Variants in HACD2 observed in about 807,000 individuals in gnomAD.
HACD2 encodes the protein 3-hydroxyacyl-CoA dehydratase 2, also known as very-long-chain (3R)-3-hydroxyacyl-CoA dehydratase 2.
Under a neutral mutation model 31.0 loss-of-function variants are expected in HACD2, and 15 were observed. That is an observed-to-expected ratio of 0.48 (90% confidence interval 0.32 to 0.75). HACD2 has a LOEUF of 0.75. HACD2 is among the 30% of genes least tolerant of loss of function. The pLI, the probability that HACD2 is intolerant of heterozygous loss-of-function variation, is 0.03. For missense variants in HACD2, 283 were observed against 313.0 expected (o/e 0.90, Z 0.72); for synonymous variants, 115 against 122.2 (o/e 0.94, Z 0.39).
At position 123,500,523 on chromosome 3, in the gene HACD2, T is replaced by C; in HGVS notation, c.674A>G (p.Tyr225Cys). ...CATAACTGTTTACTTACTTGGAATGTAGGAGATCATTATTAGAATCAGGAA... is the reference window on the plus strand; with the variant it reads ...CATAACTGTTTACTTACTTGGAATGCAGGAGATCATTATTAGAATCAGGAA... ...YAFLILIMIS[Y>C]IPIFPQLYFH... is the part of the protein sequence containing the mutation. Residue 225 changes from tyrosine to cysteine, a missense_variant, in exon 6 of 7, where the codon TAC becomes TGC. Around this residue, in one of 3 missense-constraint regions of HACD2, gnomAD observed 40 missense variants for 35.1 expected, o/e 1.14. Transcript: ENST00000383657. 6.3e-7 allele frequency: 1 copy of C among 1,599,830 alleles called. No individual in the cohort carries two copies.
intron 2 of HACD2, among the ~76,000 whole-genome samples, chr3:123,581,588 G>T (rs2056967062): frequency 6.6e-6 from 1 of 152,154 alleles, no homozygotes; most frequent in Non-Finnish European, 1.5e-5. Flanking sequence ...CAGCTCCTTG[G>T]TTCTCATTCC....
In HACD2 at chr3:123,585,053, T is replaced by C. The variant is rs2057016775; in HGVS notation, c.-26A>G. 7.2e-7 allele frequency: 1 copy of C among 1,386,074 alleles called. No individual in the cohort carries two copies. The highest frequency in any genetic ancestry group is 9.4e-7 in the Non-Finnish European group (1 of 1,061,656). 85.9% of individuals were successfully genotyped at this position (1,386,074 alleles called of 1,614,324 possible). ...GTCAAGTGCCCGAAGCCCGCTCTCC[T>C]AGCGCGAGCGGCTCGGGCCGGACTA... is the stretch of plus-strand genomic sequence containing the variant. On this transcript the variant is annotated 5_prime_UTR_variant, in exon 1 of 7. Transcript: ENST00000383657.
Position 123,494,834 on chromosome 3 carries a change from G to A in HACD2, c.*54C>T. 8.5e-7 allele frequency: 1 copy of A among 1,171,358 alleles called. No homozygotes were observed. The highest frequency in any genetic ancestry group is 1.2e-6 in the Non-Finnish European group (1 of 807,576). The allele number at this position is 1,171,358 out of a possible 1,614,324, so 72.6% of individuals were successfully genotyped here. A position where few individuals can be genotyped will look rare whatever the true frequency, so the allele number is the denominator to read the frequency against. ...GTATTGGGAACTCAAAAAATCTGCA[G>A]CATTTTTTGATCATTGAAAAGTTTG... On this transcript the variant is annotated 3_prime_UTR_variant, in exon 7 of 7. Coordinates refer to ENST00000383657, the MANE Select transcript of HACD2 (RefSeq NM_198402.5).
At chr3:123,498,658 G>A (rs1473294075) in intron 6 of HACD2, among the ~76,000 whole-genome samples, 1 of 152,152 alleles carries the variant, frequency 6.6e-6, no homozygotes, top group Non-Finnish European at 1.5e-5. Flanking sequence ...CCCCTCCACC[G>A]CCCAGGGAAA....
Position 123,494,884 on chromosome 3 carries a change from G to A in HACD2, c.*4C>T. 1 of 1,541,732 alleles carries A rather than the reference G, an allele frequency of 6.5e-7. No homozygotes were observed. ...GTTTTGGTGGGAGGTGCAGAAAGCA[G>A]GAACTATTCAAATTTCTTGTGTTCT... On this transcript the variant is annotated 3_prime_UTR_variant, in exon 7 of 7. Transcript: ENST00000383657.
chr3:123,493,019 A>C lies in HACD2; in HGVS notation c.*1869T>G, dbSNP rs2055782943. The C allele has an allele frequency of 6.6e-6, 1 of 152,260 alleles. No homozygotes were observed. Among genetic ancestry groups the C allele is most frequent in the Non-Finnish European group, 1.5e-5 (1 of 68,044 alleles). The allele number at this position is 152,260 out of a possible 1,614,324, so 9.4% of individuals were successfully genotyped here. ...AATAATTTATTACACACCTGCCTGC[A>C]TTAAATTTTCAAACTTCTATAAAAA... On this transcript the variant is annotated 3_prime_UTR_variant, in exon 7 of 7. Transcript: ENST00000383657.
At chr3:123,514,891 C>T (rs1042911065) in intron 4 of HACD2, among the ~76,000 whole-genome samples, 1 of 152,144 alleles carries the variant, frequency 6.6e-6, no homozygotes, top group Non-Finnish European at 1.5e-5. Flanking sequence ...AACTGTGAAA[C>T]TATTTTAGTA....
At chr3:123,526,627 GT>G (rs376227549) in intron 4 of HACD2, among the ~76,000 whole-genome samples, 42 of 151,522 alleles carry the variant, frequency 2.8e-4, no homozygotes, top group Non-Finnish European at 4.3e-4. Flanking sequence ...ATATGGAAAT[GT>G]AATGAGTATA....
chr3:123,572,638 T>G (rs1359917723), intron 2 of HACD2, among the ~76,000 whole-genome samples: 1 of 152,232 alleles, frequency 6.6e-6, no homozygotes, highest in Non-Finnish European at 1.5e-5. Context: ...GCACAATAAA[T>G]TACTTGGAAA....
intron 3 of HACD2, among the ~76,000 whole-genome samples, chr3:123,531,613 CA>C (rs1489920836): frequency 6.6e-6 from 1 of 152,172 alleles, no homozygotes; most frequent in Non-Finnish European, 1.5e-5. Flanking sequence ...ACCTGGTCAA[CA>C]GTGTTTTTCT....
At chr3:123,541,589 T>C (rs1204656618) in intron 3 of HACD2, among the ~76,000 whole-genome samples, 2 of 152,182 alleles carry the variant, frequency 1.3e-5, no homozygotes, top group Admixed American at 6.5e-5. Context: ...GGTGCTTTTT[T>C]ACTAAGAAAA....
rs187508321 is a variant in HACD2 at position 123,523,253 on chromosome 3, C to T, written c.381+5133G>A. 1.4e-4 allele frequency among the ~76,000 whole-genome samples: 21 copies of T among 152,204 alleles called. No homozygotes were observed. In the East Asian group the frequency reaches 2.7e-3, roughly 20 times the overall value. On this transcript the variant is annotated intron_variant, in intron 4 of 6. Transcript: ENST00000383657. ...TGTTTTGGCTTCTACAAGAGTTGAA[C>T]GGAAGAGGGAAAGAGGAAGAAAGGA...
chr3:123,495,274 T>A (rs1271460579), intron 6 of HACD2, among the ~76,000 whole-genome samples: 5 of 152,254 alleles, frequency 3.3e-5, no homozygotes, highest in African/African-American at 9.6e-5. Context: ...CATTCATGTA[T>A]TATCTCCACA....
chr3:123,553,763 G>A (rs890088614), intron 3 of HACD2, among the ~76,000 whole-genome samples: 1 of 152,138 alleles, frequency 6.6e-6, no homozygotes, highest in African/African-American at 2.4e-5. Flanking sequence ...CAAATGAAGA[G>A]GGTGTTCTGG....
At chr3:123,566,695 G>C (rs1020311767) in intron 3 of HACD2, among the ~76,000 whole-genome samples, 5 of 152,078 alleles carry the variant, frequency 3.3e-5, no homozygotes, top group African/African-American at 1.2e-4. Flanking sequence ...CCAGGAGTTT[G>C]AGACCAGGCT....
At chr3:123,545,508 A>AATAAATAC (rs2056548955) in intron 3 of HACD2, among the ~76,000 whole-genome samples, 1 of 145,264 alleles carries the variant, frequency 6.9e-6, no homozygotes, top group African/African-American at 2.5e-5. Flanking sequence ...TAAATAAATA[A>AATAAATAC]ATAAATAAAT....
rs1483475963 is a variant in HACD2 at position 123,494,930 on chromosome 3, T to C, written c.723A>G (p.Arg241=). Residue 241 remains arginine, a synonymous_variant, in exon 7 of 7, where the codon AGA becomes AGG. Transcript: ENST00000383657. ...QLYFHMIHQR[R]KILSHTEEHK... ...GTTCTTCAGTATGAGAAAGGATCTTTCTTCTCTGGTGTATCATGTGGAAGT... is the reference window on the plus strand; with the variant it reads ...GTTCTTCAGTATGAGAAAGGATCTTCCTTCTCTGGTGTATCATGTGGAAGT... 1 of 1,561,276 alleles carries C rather than the reference T, an allele frequency of 6.4e-7. No individual in the cohort carries two copies. The highest frequency in any genetic ancestry group is 2.4e-5 in the East Asian group (1 of 42,446).
intron 6 of HACD2, among the ~76,000 whole-genome samples, chr3:123,496,216 A>C (rs975290804): frequency 5.9e-5 from 9 of 152,032 alleles, no homozygotes; most frequent in African/African-American, 2.2e-4. Context: ...TAGAGATGAG[A>C]TCTCCTACGT....
chr3:123,513,726 G>A (rs922975166), intron 4 of HACD2, among the ~76,000 whole-genome samples: 1 of 152,054 alleles, frequency 6.6e-6, no homozygotes, highest in African/African-American at 2.4e-5. Context: ...CACAAGACCT[G>A]GAACGCAGAA....
Sources: allele counts gnomAD v4.1 joint callset (sites outside exome capture counted in the v4.1 genomes callset), GRCh38; gene constraint gnomAD v4.1.1; regional missense constraint gnomAD v4.1.1; transcripts MANE v1.5; gene names NCBI Gene and HGNC (gene_info 2026-07-23, HGNC 2026-07-21).